RMP64: variants seen among roughly 807,000 people sequenced by gnomAD.
The protein encoded by RMP64 is nucleolus and neural progenitor protein.
chr3:113,009,814 A>G, the RMP64 span, among the ~76,000 whole-genome samples: 1 of 152,220 alleles, frequency 6.6e-6, no homozygotes, highest in East Asian at 1.9e-4. Context: ...CTGGCACAGA[A>G]AGTATTACTC....
the RMP64 span, chr3:113,010,454 T>C: frequency 1.8e-6 from 1 of 566,318 alleles, no homozygotes; most frequent in Middle Eastern, 3.0e-4. Context: ...GGTACTCTAT[T>C]AACTGAATTA....
At chr3:113,005,814 T>C in the RMP64 span, 33,794 of 1,613,872 alleles carry the variant, frequency 0.021, 2,131 homozygotes, top group East Asian at 0.21. Context: ...CTCTTCCGAG[T>C]CCCTTGAGAG....
At chr3:113,004,178 GA>G in the RMP64 span, 1 of 152,202 alleles carries the variant, frequency 6.6e-6, no homozygotes, top group Admixed American at 6.5e-5. Flanking sequence ...ACTGACTACA[GA>G]TTAAGAATTA....
chr3:113,018,939 T>A, the RMP64 span: 4 of 152,636 alleles, frequency 2.6e-5, no homozygotes, highest in African/African-American at 7.2e-5. Context: ...TCCTACCTAC[T>A]ATATGCCCTT....
At chr3:113,010,241 G>A in the RMP64 span, among the ~76,000 whole-genome samples, 1 of 152,036 alleles carries the variant, frequency 6.6e-6, no homozygotes, top group African/African-American at 2.4e-5. Flanking sequence ...ACCCTATGAG[G>A]CACATATTAC....
chr3:113,005,802 C>T, the RMP64 span: 2 of 1,613,950 alleles, frequency 1.2e-6, no homozygotes, highest in Non-Finnish European at 1.7e-6. Context: ...GTATCTGTAG[C>T]ACTCTTCCGA....
chr3:113,012,879 A>G, the RMP64 span: 1 of 903,992 alleles, frequency 1.1e-6, no homozygotes, highest in Non-Finnish European at 1.9e-6. Context: ...ACAATCATGA[A>G]TGAAGAAATA....
chr3:113,006,822 A>T, the RMP64 span, among the ~76,000 whole-genome samples: 13 of 152,346 alleles, frequency 8.5e-5, no homozygotes, highest in African/African-American at 2.9e-4. Flanking sequence ...AGGAAAACAG[A>T]GGGCCTGAAC....
chr3:113,006,952 A>G, the RMP64 span, among the ~76,000 whole-genome samples: 1 of 152,230 alleles, frequency 6.6e-6, no homozygotes, highest in Non-Finnish European at 1.5e-5. Context: ...AGTTTACTAC[A>G]AATATATTAA....
chr3:113,010,815 A>G, the RMP64 span: 1 of 964,134 alleles, frequency 1.0e-6, no homozygotes, highest in Non-Finnish European at 1.6e-6. Flanking sequence ...AAAATAAAGG[A>G]ATAAAGCAAG....
chr3:113,005,161 GCTC>G, the RMP64 span: 2 of 230,192 alleles, frequency 8.7e-6, no homozygotes, highest in African/African-American at 4.5e-5. Context: ...TCCCACCCCC[GCTC>G]CTCATTTACC....
the RMP64 span, chr3:113,005,085 G>A: frequency 5.8e-6 from 1 of 173,380 alleles, no homozygotes; most frequent in East Asian, 1.5e-4. Flanking sequence ...TTAGTATTCA[G>A]AGGCGGACCT....
chr3:113,011,182 AAC>A, the RMP64 span: 8 of 1,613,468 alleles, frequency 5.0e-6, no homozygotes, highest in South Asian at 1.1e-5. Flanking sequence ...ATTTATTAAA[AAC>A]AGTTTATTTA....
chr3:113,007,128 T>C, the RMP64 span, among the ~76,000 whole-genome samples: 1 of 152,080 alleles, frequency 6.6e-6, no homozygotes, highest in Non-Finnish European at 1.5e-5. Context: ...ACAGAATGCT[T>C]CTCTCCATCT....
At chr3:113,017,671 C>A in the RMP64 span, 12 of 1,340,336 alleles carry the variant, frequency 9.0e-6, no homozygotes, top group Admixed American at 1.0e-4. Flanking sequence ...TAAAAACACA[C>A]TAAAAAAAGC....
the RMP64 span, chr3:113,014,661 G>A: frequency 1.3e-5 from 2 of 151,982 alleles, no homozygotes; most frequent in African/African-American, 4.8e-5. Context: ...CCGACAACAT[G>A]ATTTTTAATA....
chr3:113,009,184 C>T, the RMP64 span, among the ~76,000 whole-genome samples: 3 of 152,102 alleles, frequency 2.0e-5, no homozygotes, highest in South Asian at 2.1e-4. Context: ...ACTTCTTCAA[C>T]CCCTTCTTTC....
chr3:113,005,314 T>C, the RMP64 span: 1 of 540,190 alleles, frequency 1.9e-6, no homozygotes, highest in African/African-American at 1.9e-5. Flanking sequence ...ATTTTTCATA[T>C]TAACACCTGA....
the RMP64 span, chr3:113,014,358 T>C: frequency 9.2e-6 from 1 of 108,940 alleles, no homozygotes; most frequent in Non-Finnish European, 1.7e-5. Flanking sequence ...TAAGACAAGA[T>C]TTTTTTTTTT....
Sources: allele counts gnomAD v4.1 joint callset (sites outside exome capture counted in the v4.1 genomes callset), GRCh38; gene constraint gnomAD v4.1.1; transcripts MANE v1.5; gene names NCBI Gene and HGNC (gene_info 2026-07-23, HGNC 2026-07-21).